LMF1: variants seen among roughly 807,000 people sequenced by gnomAD.
LMF1 encodes transmembrane protein 112.
Under a neutral mutation model 60.6 loss-of-function variants are expected in LMF1, and 68 were observed. The observed-to-expected ratio is 1.12, with a 90% CI of 0.92 to 1.37. The LOEUF (loss-of-function observed/expected upper bound fraction) is 1.37, where lower values mean the gene tolerates loss of function less well. Ranked by LOEUF, LMF1 falls within the 40% of genes most tolerant of loss-of-function variation. The probability of loss-of-function intolerance (pLI) is 0.00; values close to 1 mark genes in which losing one functional copy is unlikely to be tolerated. For synonymous variants in LMF1, 418 were observed against 324.7 expected (o/e 1.29, Z -3.09); for missense variants, 948 against 767.2 (o/e 1.24, Z -2.78).
At chr16:943,230 G>A (rs548796638) in intron 2 of LMF1, among the ~76,000 whole-genome samples, 34 of 152,148 alleles carry the variant, frequency 2.2e-4, no homozygotes, top group African/African-American at 8.0e-4. Context: ...AATTAGCCAG[G>A]TGTGGTGGTG....
chr16:926,240 G>C (rs1274578683), intron 3 of LMF1, among the ~76,000 whole-genome samples: 1 of 151,580 alleles, frequency 6.6e-6, no homozygotes, highest in Non-Finnish European at 1.5e-5. Flanking sequence ...CATATGATCT[G>C]CATACGTATG....
At position 853,743 on chromosome 16, in the gene LMF1, C is replaced by G. The variant is rs1046571467; in HGVS notation, c.*789G>C. 2.2e-5 allele frequency: 10 copies of G among 453,984 alleles called. No homozygotes were observed. Among genetic ancestry groups the G allele is most frequent in the Admixed American group, 2.1e-4 (9 of 42,558 alleles). 28.1% of individuals were successfully genotyped at this position (453,984 alleles called of 1,614,324 possible). On this transcript the variant is annotated 3_prime_UTR_variant, in exon 11 of 11. Transcript: ENST00000262301. Reference sequence around the variant, plus strand: ...TGTGCAGTAGACGCTGTTTGTCCGACGATGATGAAAGTGTGCACGGCCGGC... The same window carrying G: ...TGTGCAGTAGACGCTGTTTGTCCGAGGATGATGAAAGTGTGCACGGCCGGC...
chr16:858,678 G>T (rs2069298414), intron 10 of LMF1, among the ~76,000 whole-genome samples: 2 of 102,958 alleles, frequency 1.9e-5, no homozygotes, highest in African/African-American at 5.0e-5. Flanking sequence ...TCACGGGACG[G>T]GTGTGAGTGG....
intron 3 of LMF1, among the ~76,000 whole-genome samples, chr16:927,979 C>A (rs2071659050): frequency 6.6e-6 from 1 of 152,178 alleles, no homozygotes; most frequent in Admixed American, 6.5e-5. Flanking sequence ...TCCCGCTTGG[C>A]AAGAGCACAG....
intron 1 of LMF1, among the ~76,000 whole-genome samples, chr16:967,490 G>A (rs777680051): frequency 3.9e-5 from 6 of 152,176 alleles, no homozygotes; most frequent in African/African-American, 7.2e-5. Flanking sequence ...AGGAGGCACC[G>A]GCACCCATGG....
At chr16:977,958 C>T (rs534586655) in intron 1 of LMF1, among the ~76,000 whole-genome samples, 33 of 143,310 alleles carry the variant, frequency 2.3e-4, no homozygotes, top group African/African-American at 9.0e-4. Context: ...ACACACACCA[C>T]ACACCATACA....
intron 4 of LMF1, among the ~76,000 whole-genome samples, chr16:907,653 C>T (rs1038186959): frequency 5.9e-5 from 9 of 152,086 alleles, no homozygotes; most frequent in Admixed American, 1.3e-4. Flanking sequence ...GACGGTGCGG[C>T]GCTGGTTGTG....
At chr16:923,415 G>A (rs142699488) in intron 3 of LMF1, among the ~76,000 whole-genome samples, 249 of 152,144 alleles carry the variant, frequency 1.6e-3, no homozygotes, top group African/African-American at 5.5e-3. Context: ...CAGTAGTAAC[G>A]GGCACCCCAG....
intron 3 of LMF1, among the ~76,000 whole-genome samples, chr16:932,179 C>A (rs1018613666): frequency 2.0e-5 from 3 of 152,242 alleles, no homozygotes; most frequent in Admixed American, 1.3e-4. Context: ...CACTTCCCCC[C>A]CACCCTACTT....
At chr16:975,704 CTTAA>C (rs1292783111), upstream of LMF1, 1 of 428,022 alleles carries the variant, frequency 2.3e-6, no homozygotes, top group Non-Finnish European at 4.7e-6. Context: ...CTGAGGGCAT[CTTAA>C]TTAAGCCTTC....
intron 10 of LMF1, chr16:855,960 G>C (rs947461703): frequency 4.4e-6 from 2 of 455,866 alleles, no homozygotes; most frequent in African/African-American, 4.0e-5. Flanking sequence ...GTCTGGGTGT[G>C]TGATGGATGA....
intron 2 of LMF1, among the ~76,000 whole-genome samples, chr16:942,129 C>T (rs1185263734): frequency 6.6e-6 from 1 of 152,186 alleles, no homozygotes; most frequent in Non-Finnish European, 1.5e-5. Flanking sequence ...TTTCCGTTAT[C>T]TGAAAATGTC....
At chr16:976,304 C>T (rs1286797904) in intron 1 of LMF1, 1 of 452,780 alleles carries the variant, frequency 2.2e-6, no homozygotes, top group Non-Finnish European at 4.4e-6. Flanking sequence ...AGGCTGGGGT[C>T]TGGGGTTCAG....
intron 3 of LMF1, among the ~76,000 whole-genome samples, chr16:915,573 TCTGGG>T (rs1009980868): frequency 7.3e-5 from 11 of 151,636 alleles, no homozygotes; most frequent in African/African-American, 2.2e-4. Context: ...TGGCGGCTGC[TCTGGG>T]CTGGGCTGGG....
In LMF1 at chr16:977,703, G is replaced by A. The variant is rs868427311; in HGVS notation, c.-135+3442C>T. Among the ~76,000 whole-genome samples, 64 of 152,108 alleles carry A rather than the reference G, an allele frequency of 4.2e-4. No individual in the cohort carries two copies. The Middle Eastern group carries it at 0.014, about 32-fold the overall frequency. ...GTGGATGGAGGGGGACGGGGAGGAC[G>A]GGCAGGGAGGGACGGAGGGGCACAG... On this transcript the variant is annotated intron_variant, in intron 1 of 6. Transcript: ENST00000570014.
intron 4 of LMF1, among the ~76,000 whole-genome samples, chr16:908,529 G>C (rs1567220649): frequency 6.6e-6 from 1 of 152,354 alleles, no homozygotes; most frequent in Admixed American, 6.5e-5. Flanking sequence ...GAGATGGGAA[G>C]GCCCTGGCCC....
At chr16:926,607 C>A (rs904743740) in intron 3 of LMF1, among the ~76,000 whole-genome samples, 1 of 152,248 alleles carries the variant, frequency 6.6e-6, no homozygotes, top group East Asian at 1.9e-4. Context: ...AAAGACTACC[C>A]TCAAAACAAG....
intron 3 of LMF1, among the ~76,000 whole-genome samples, chr16:923,524 C>T (rs1264145106): frequency 6.6e-6 from 1 of 152,168 alleles, no homozygotes; most frequent in Non-Finnish European, 1.5e-5. Flanking sequence ...GGTGGCAGCA[C>T]AGCTTGAGCC....
At chr16:890,286 G>A (rs2070444072) in intron 5 of LMF1, among the ~76,000 whole-genome samples, 1 of 152,218 alleles carries the variant, frequency 6.6e-6, no homozygotes, top group African/African-American at 2.4e-5. Flanking sequence ...AGCCCCAAGG[G>A]GCCCCCGGGA....
Sources: allele counts gnomAD v4.1 joint callset (sites outside exome capture counted in the v4.1 genomes callset), GRCh38; gene constraint gnomAD v4.1.1; transcripts MANE v1.5; gene names NCBI Gene and HGNC (gene_info 2026-07-23, HGNC 2026-07-21).